The following ADAMTS16 variants were observed in gnomAD, a reference collection of about 807,000 sequenced individuals.
ADAMTS16 encodes the protein A disintegrin and metalloproteinase with thrombospondin motifs 16.
Under a neutral mutation model 145.8 loss-of-function variants are expected in ADAMTS16, and 94 were observed. The observed-to-expected ratio is 0.64, with a 90% CI of 0.55 to 0.77. ADAMTS16 has a LOEUF of 0.77. Among genes scored for constraint, ADAMTS16 ranks in the 30% least tolerant of loss-of-function variants. The probability of loss-of-function intolerance (pLI) is 0.00; values close to 1 mark genes in which losing one functional copy is unlikely to be tolerated. For missense variants in ADAMTS16, 1,585 were observed against 1,591.5 expected (o/e 1.00, Z 0.07); for synonymous variants, 659 against 604.3 (o/e 1.09, Z -1.33).
At position 5,186,118 on chromosome 5, in the gene ADAMTS16, A is replaced by C; in HGVS notation, c.830A>C (p.His277Pro). Residue 277 changes from histidine (H) to proline (P), a missense_variant, in exon 5 of 23, where the codon CAT becomes CCT. His to Pro is a moderately conservative substitution (Grantham distance 77, BLOSUM62 -2). Around this residue, in one of 3 missense-constraint regions of ADAMTS16, gnomAD observed 453 missense variants for 412.1 expected, o/e 1.10. Coordinates refer to ENST00000274181, the MANE Select transcript of ADAMTS16 (RefSeq NM_139056.4). Reference sequence around the variant, plus strand: ...GATGAGTATAAGTCTTGCTTACGGCATAAGCGCTCTCTTCTGAGGTCCCAT... The same window carrying C: ...GATGAGTATAAGTCTTGCTTACGGCCTAAGCGCTCTCTTCTGAGGTCCCAT... ...LPDEYKSCLR[H>P]KRSLLRSHRN... is the part of the protein sequence containing the mutation. 1 of 1,614,154 alleles carries C rather than the reference A, an allele frequency of 6.2e-7. No homozygotes were observed. Among genetic ancestry groups the C allele is most frequent in the Non-Finnish European group, 8.5e-7 (1 of 1,180,036 alleles).
intron 10 of ADAMTS16, among the ~76,000 whole-genome samples, chr5:5,222,423 G>A (rs907273553): frequency 6.6e-6 from 1 of 152,150 alleles, no homozygotes; most frequent in Non-Finnish European, 1.5e-5. Context: ...ACAGATTCAG[G>A]AAGGTGGGGT....
chr5:5,306,739 C>T lies in ADAMTS16; in HGVS notation c.3411+11C>T. 6.3e-7 allele frequency: 1 copy of T among 1,591,306 alleles called. No individual in the cohort carries two copies. Among genetic ancestry groups the T allele is most frequent in the Non-Finnish European group, 8.6e-7 (1 of 1,167,880 alleles). On this transcript the variant is annotated intron_variant, in intron 21 of 22. Coordinates refer to ENST00000274181, the MANE Select transcript of ADAMTS16 (RefSeq NM_139056.4). ...TCACCCTGGTCTCAGGTAGGGGAGG[C>T]CCTCGGTTCCTGGAGAGTGGGCGAG... is the stretch of plus-strand genomic sequence containing the variant.
chr5:5,204,065 C>A (rs1736025880), intron 9 of ADAMTS16, among the ~76,000 whole-genome samples: 1 of 152,122 alleles, frequency 6.6e-6, no homozygotes, highest in African/African-American at 2.4e-5. Context: ...GACTAGAGGG[C>A]AGGCACTTTC....
intron 9 of ADAMTS16, 97 bp from the exon 10 acceptor site, chr5:5,208,996 G>A (rs1010480866): frequency 7.3e-7 from 1 of 1,372,040 alleles, no homozygotes; most frequent in Non-Finnish European, 1.0e-6. Context: ...CACAATATAT[G>A]TTGTAAAATT....
Position 5,320,216 on chromosome 5 carries a change from C to A in ADAMTS16, c.*1078C>A. ...CATCCTCAGTGCGGCTGCTGTTCTC[C>A]TGTCCGGTGCTGTGGCTCCATTCCA... On this transcript the variant is annotated 3_prime_UTR_variant, in exon 23 of 23. Coordinates refer to ENST00000274181, the MANE Select transcript of ADAMTS16 (RefSeq NM_139056.4). The surrounding 1 kb of genome is among the most constrained non-coding windows in gnomAD (Gnocchi z 5.1). 1 of 273,332 alleles carries A rather than the reference C, an allele frequency of 3.7e-6. No homozygotes were observed. The highest frequency in any genetic ancestry group is 6.9e-6 in the Non-Finnish European group (1 of 144,372). 16.9% of individuals were successfully genotyped at this position (273,332 alleles called of 1,614,324 possible).
intron 13 of ADAMTS16, 121 bp downstream of exon 13, chr5:5,235,307 T>A: frequency 9.5e-7 from 1 of 1,055,764 alleles, no homozygotes; most frequent in Non-Finnish European, 1.3e-6. Context: ...GAGGTGAGGG[T>A]CGCATATTCT....
chr5:5,246,716 G>A (rs1489701740), intron 17 of ADAMTS16, among the ~76,000 whole-genome samples: 1 of 152,204 alleles, frequency 6.6e-6, no homozygotes, highest in Admixed American at 6.5e-5. Context: ...ATAGCTAGTT[G>A]AGGTATTGTA....
At chr5:5,287,580 G>C (rs934724254) in intron 18 of ADAMTS16, among the ~76,000 whole-genome samples, 1 of 152,176 alleles carries the variant, frequency 6.6e-6, no homozygotes, top group Non-Finnish European at 1.5e-5. Flanking sequence ...GCGACGTAGA[G>C]AGTTCTTGGA....
At chr5:5,171,100 G>A (rs923341340) in intron 3 of ADAMTS16, among the ~76,000 whole-genome samples, 1 of 152,044 alleles carries the variant, frequency 6.6e-6, no homozygotes, top group African/African-American at 2.4e-5. Context: ...AAATGCTACC[G>A]ATTTTCGTAT....
chr5:5,224,771 A>G lies in ADAMTS16; in HGVS notation c.1701+1887A>G, dbSNP rs533035868. Among the ~76,000 whole-genome samples, 3 of 152,304 alleles carry G rather than the reference A, an allele frequency of 2.0e-5. No individual in the cohort carries two copies. The South Asian group carries it at 6.2e-4, about 32-fold the overall frequency. The stretch of plus-strand genomic sequence containing the variant: ...TTTGCAAAATTATGCCTGTTTCTTA[A>G]AAGACCAACAGCCTTTCTGATGTTG... On this transcript the variant is annotated intron_variant, in intron 11 of 22. Coordinates refer to ENST00000274181, the MANE Select transcript of ADAMTS16 (RefSeq NM_139056.4).
chr5:5,238,467 A>T (rs1408123357), intron 14 of ADAMTS16, among the ~76,000 whole-genome samples: 3 of 152,224 alleles, frequency 2.0e-5, no homozygotes, highest in Non-Finnish European at 2.9e-5. Flanking sequence ...TAGGTCTAAA[A>T]TTTTAATTTT....
chr5:5,256,878 T>C (rs557143778), intron 17 of ADAMTS16, among the ~76,000 whole-genome samples: 120 of 152,346 alleles, frequency 7.9e-4, no homozygotes, highest in Middle Eastern at 3.4e-3. Flanking sequence ...AAATGGACTT[T>C]AAACTTGAAA....
rs185762245 is a variant in ADAMTS16 at position 5,264,713 on chromosome 5, T to C, written c.2789+1930T>C. Among the ~76,000 whole-genome samples, 27 of 152,234 alleles carry C rather than the reference T, an allele frequency of 1.8e-4. 1 individual carries two copies. In the East Asian group the frequency reaches 5.0e-3, roughly 28 times the overall value. ...TGATGTGATCGGGGACCTGTCACCT[T>C]ATAAAGCCACCAGCCCTGCCTCAGC... On this transcript the variant is annotated intron_variant, in intron 18 of 22. Transcript: ENST00000274181.
At chr5:5,180,719 C>A (rs1735315507) in intron 3 of ADAMTS16, among the ~76,000 whole-genome samples, 1 of 152,188 alleles carries the variant, frequency 6.6e-6, no homozygotes, top group South Asian at 2.1e-4. Context: ...GTAGCATAAA[C>A]CTTAAACTTA....
intron 18 of ADAMTS16, among the ~76,000 whole-genome samples, chr5:5,264,380 C>G (rs925484080): frequency 2.0e-5 from 3 of 152,122 alleles, no homozygotes; most frequent in Non-Finnish European, 4.4e-5. Flanking sequence ...TCAAATAGCT[C>G]AAGGCACTCA....
intron 10 of ADAMTS16, among the ~76,000 whole-genome samples, chr5:5,219,242 C>T (rs931852862): frequency 3.9e-5 from 6 of 152,224 alleles, no homozygotes; most frequent in African/African-American, 1.4e-4. Context: ...GTGTAAAGAA[C>T]ATCACACTCT....
intron 2 of ADAMTS16, among the ~76,000 whole-genome samples, chr5:5,143,901 G>A (rs1734228830): frequency 1.3e-5 from 2 of 152,146 alleles, no homozygotes. Flanking sequence ...AACACTGCAT[G>A]TTCTCACTCG....
chr5:5,239,697 C>A lies in ADAMTS16; in HGVS notation c.2295C>A (p.Val765=). The A allele has an allele frequency of 6.2e-7, 1 of 1,614,076 alleles. No individual in the cohort carries two copies. The highest frequency in any genetic ancestry group is 1.1e-5 in the South Asian group (1 of 91,044). ...TTTATCTAGAGTATTATCACATGGT[C>A]ACCATTCCTTCTGGAGCCCGGAGTA... is the stretch of plus-strand genomic sequence containing the variant. The part of the protein sequence containing the change: ...HHHTNQYYHM[V]TIPSGARSIR... Residue 765 remains valine, a synonymous_variant, in exon 16 of 23, where the codon GTC becomes GTA. Coordinates refer to ENST00000274181, the MANE Select transcript of ADAMTS16 (RefSeq NM_139056.4).
At chr5:5,194,237 C>T (rs1247038702) in intron 8 of ADAMTS16, among the ~76,000 whole-genome samples, 2 of 152,196 alleles carry the variant, frequency 1.3e-5, no homozygotes, top group African/African-American at 4.8e-5. Flanking sequence ...GAACCTGGAG[C>T]TTGTCAACGA....
Sources: gnomAD v4.1 joint callset for allele counts (sites outside exome capture counted in the v4.1 genomes callset) on GRCh38, gnomAD v4.1.1 for gene constraint, gnomAD v4.1.1 regional missense constraint, Gnocchi (gnomAD v3.1) non-coding constraint, MANE v1.5 for transcripts, NCBI Gene and HGNC (gene_info 2026-07-23, HGNC 2026-07-21) for gene names.